The following THBS4 variants were observed in gnomAD, a reference collection of about 807,000 sequenced individuals.
THBS4 encodes thrombospondin-4.
In THBS4, 90 loss-of-function variants were observed where a neutral mutation model predicts 115.7. That is an observed-to-expected ratio of 0.78 (90% confidence interval 0.66 to 0.93). The LOEUF is 0.93. Among genes scored for constraint, THBS4 ranks in the 40% least tolerant of loss-of-function variants. THBS4 has a pLI of 0.00. For synonymous variants in THBS4, 460 were observed against 479.3 expected (o/e 0.96, Z 0.53); for missense variants, 1,087 against 1,232.7 (o/e 0.88, Z 1.77).
intron 1 of THBS4, among the ~76,000 whole-genome samples, chr5:79,995,268 A>ACCCAT (rs1310811845): frequency 5.9e-5 from 9 of 152,262 alleles, no homozygotes; most frequent in African/African-American, 2.2e-4. Flanking sequence ...ACATTATAAG[A>ACCCAT]AGAAGCATTT....
At position 80,068,103 on chromosome 5, in the gene THBS4, G is replaced by A. The variant is rs570128730; in HGVS notation, c.1325G>A (p.Arg442Lys). 3.7e-6 allele frequency: 6 copies of A among 1,614,032 alleles called. No individual in the cohort carries two copies. In the South Asian group the frequency reaches 6.6e-5, roughly 18 times the overall value. The change falls in exon 10 of 22, where the codon AGG (arginine) becomes AAG (lysine). Residue 442 changes from arginine to lysine, a missense_variant. Around this residue, in one of 3 missense-constraint regions of THBS4, gnomAD observed 979 missense variants for 1,103.7 expected, o/e 0.89. Transcript: ENST00000350881. ...GTGAATGCCCAGTGCATTGAAGAGAGGCAGGGGGATGTGACATGTGTGGTA... is the reference window on the plus strand; with the variant it reads ...GTGAATGCCCAGTGCATTGAAGAGAAGCAGGGGGATGTGACATGTGTGGTA... Reference protein sequence around the residue: ...CSVNAQCIEERQGDVTCVCGV... With the variant: ...CSVNAQCIEEKQGDVTCVCGV...
Position 80,071,200 on chromosome 5 carries a change from G to T in THBS4, c.1720+20G>T. The T allele has an allele frequency of 6.4e-7, 1 of 1,560,182 alleles. No homozygotes were observed. The highest frequency in any genetic ancestry group is 8.6e-7 in the Non-Finnish European group (1 of 1,159,704). ...GAGATGGTAGATTTATCTTGCTTTT[G>T]TCTTTTATTTGGAATTCAGTTGACC... On this transcript the variant is annotated intron_variant, in intron 13 of 21. Transcript: ENST00000350881.
chr5:80,058,597 G>A (rs905337988), intron 4 of THBS4, 111 bp from the exon 5 acceptor site: 4 of 935,760 alleles, frequency 4.3e-6, no homozygotes, highest in Non-Finnish European at 6.8e-6. Flanking sequence ...AAAGATTCTG[G>A]GTTTTTGAAT....
At position 80,078,909 on chromosome 5, in the gene THBS4, C is replaced by T. The variant is rs376370120; in HGVS notation, c.2266-12C>T. On this transcript the variant is annotated splice_polypyrimidine_tract_variant and intron_variant, in intron 17 of 21. Transcript: ENST00000350881. ...TCAAGACTGTTCTGAACTCCCTCAACTCTCTCTGCAGGGCATGGAGATTGT... is the reference window on the plus strand; with the variant it reads ...TCAAGACTGTTCTGAACTCCCTCAATTCTCTCTGCAGGGCATGGAGATTGT... The T allele has an allele frequency of 2.8e-5, 45 of 1,613,122 alleles. No homozygotes were observed. The Middle Eastern group carries it at 2.3e-3, about 83-fold the overall frequency.
intron 2 of THBS4, among the ~76,000 whole-genome samples, chr5:80,041,987 A>G (rs1561304958): frequency 6.6e-6 from 1 of 152,262 alleles, no homozygotes; most frequent in African/African-American, 2.4e-5. Flanking sequence ...AGTTAAAAGT[A>G]TAAATGAATG....
chr5:80,052,412 T>C (rs1041243081), intron 2 of THBS4: 2 of 152,226 alleles, frequency 1.3e-5, no homozygotes, highest in Non-Finnish European at 2.9e-5. Context: ...GAATTTCTAT[T>C]TGTGTCTATT....
rs538029828 is a variant in THBS4 at position 79,991,863 on chromosome 5, A to G, written n.81+451A>G. Among the ~76,000 whole-genome samples, 10 of 152,338 alleles carry G rather than the reference A, an allele frequency of 6.6e-5. No individual in the cohort carries two copies. In the South Asian group the frequency reaches 2.1e-3, roughly 32 times the overall value. On this transcript the variant is annotated intron_variant and non_coding_transcript_variant, in intron 1 of 3. Coordinates refer to the THBS4 transcript ENST00000510218. ...TTCCCTGTGATGTTTTTACAAAGTT[A>G]GGAGCTCTGGGTTCTTGTAGCCCCT...
At chr5:80,004,448 C>T (rs1412711526) in intron 2 of THBS4, among the ~76,000 whole-genome samples, 1 of 152,160 alleles carries the variant, frequency 6.6e-6, no homozygotes, top group African/African-American at 2.4e-5. Flanking sequence ...AGACTCAGAC[C>T]TTTGCAGGAC....
At chr5:80,039,406 T>C in intron 1 of THBS4, among the ~76,000 whole-genome samples, 1 of 152,242 alleles carries the variant, frequency 6.6e-6, no homozygotes, top group East Asian at 1.9e-4. Context: ...CAAATGCAGA[T>C]TCTGATTTTT....
rs1561312662 is a variant in THBS4 at position 80,055,790 on chromosome 5, C to T, written c.298C>T (p.Leu100Phe). The T allele has an allele frequency of 1.2e-6, 2 of 1,612,444 alleles. No individual in the cohort carries two copies. The highest frequency in any genetic ancestry group is 1.7e-6 in the Non-Finnish European group (2 of 1,178,754). Residue 100 changes from leucine (L) to phenylalanine (F), a missense_variant, in exon 3 of 22, where the codon CTC becomes TTC. Around this residue, in one of 3 missense-constraint regions of THBS4, gnomAD observed 979 missense variants for 1,103.7 expected, o/e 0.89. Transcript: ENST00000350881. ...TGACCTGTGCTTGCTTCCAGCCATC[C>T]TCCGTTACCTGAAGAACGATGGGAA... ...TVMGRLNKAI[L>F]RYLKNDGKVH...
intron 5 of THBS4, among the ~76,000 whole-genome samples, 188 bp from the exon 6 acceptor site, chr5:80,059,252 C>T (rs1833539479): frequency 6.6e-6 from 1 of 151,418 alleles, no homozygotes; most frequent in South Asian, 2.1e-4. Flanking sequence ...ATTGCTGGAA[C>T]CCAGGAGGCG....
chr5:79,995,792 G>GA (rs34688980), intron 1 of THBS4, among the ~76,000 whole-genome samples: 90,051 of 150,930 alleles, frequency 0.6, 27,097 homozygotes, highest in South Asian at 0.66. Context: ...TATTACATTA[G>GA]AAAAAAAATA....
intron 10 of THBS4, chr5:80,068,481 C>T: frequency 3.9e-6 from 1 of 258,550 alleles, no homozygotes; most frequent in South Asian, 4.7e-5. Flanking sequence ...CCTTCTTCTG[C>T]CCCATCTACC....
At chr5:80,082,631 C>T in intron 21 of THBS4, 86 bp downstream of exon 21, 2 of 1,536,946 alleles carry the variant, frequency 1.3e-6, no homozygotes, top group Non-Finnish European at 1.8e-6. Context: ...ACTTCCCCCC[C>T]AAAAGCCCAA....
At chr5:80,023,453 A>G (rs1189120688) in intron 2 of THBS4, among the ~76,000 whole-genome samples, 4 of 152,150 alleles carry the variant, frequency 2.6e-5, no homozygotes, top group Non-Finnish European at 5.9e-5. Context: ...TTCCATTTAC[A>G]AGAGGGTTAG....
intron 17 of THBS4, 137 bp from the exon 18 acceptor site, chr5:80,078,783 TA>T: frequency 1.5e-6 from 1 of 678,706 alleles, no homozygotes; most frequent in South Asian, 2.7e-5. Flanking sequence ...ATAGAGCAAC[TA>T]TTTCAGATAA....
At chr5:80,065,956 C>G (rs1355481679) in intron 9 of THBS4, among the ~76,000 whole-genome samples, 2 of 151,932 alleles carry the variant, frequency 1.3e-5, no homozygotes, top group African/African-American at 4.8e-5. Context: ...TTAGCCGGGC[C>G]TGGTGGCGGG....
chr5:79,999,671 G>A (rs1411208126), intron 2 of THBS4, among the ~76,000 whole-genome samples: 1 of 152,166 alleles, frequency 6.6e-6, no homozygotes, highest in Non-Finnish European at 1.5e-5. Flanking sequence ...ATTATTGGAG[G>A]ATTCTTTGCT....
intron 2 of THBS4, among the ~76,000 whole-genome samples, chr5:80,046,477 A>G (rs1412630362): frequency 6.6e-6 from 1 of 152,250 alleles, no homozygotes; most frequent in African/African-American, 2.4e-5. Context: ...ACCACAGGCT[A>G]CTGAAATTTA....
Sources: gnomAD v4.1 joint callset for allele counts (sites outside exome capture counted in the v4.1 genomes callset) on GRCh38, gnomAD v4.1.1 for gene constraint, gnomAD v4.1.1 regional missense constraint, MANE v1.5 for transcripts, NCBI Gene and HGNC (gene_info 2026-07-23, HGNC 2026-07-21) for gene names.